FTO: variants seen among roughly 807,000 people sequenced by gnomAD.
FTO encodes FTO alpha-ketoglutarate dependent dioxygenase.
A neutral mutation model predicts 63.9 loss-of-function variants in FTO; 47 were observed. That is an observed-to-expected ratio of 0.74 (90% CI 0.58 to 0.94). The LOEUF (loss-of-function observed/expected upper bound fraction) is 0.94. Ranked by LOEUF, FTO falls within the 40% of genes least tolerant of loss-of-function variation. The pLI is 0.00. For missense variants in FTO, 562 were observed against 618.1 expected, an observed-to-expected ratio of 0.91 and a Z score of 0.96; for synonymous variants, 207 against 224.4, an observed-to-expected ratio of 0.92 and a Z score of 0.69.
intron 1 of FTO, among the ~76,000 whole-genome samples, chr16:53,789,836 A>G (rs1252859730): frequency 6.7e-6 from 1 of 148,898 alleles, no homozygotes; most frequent in East Asian, 2.0e-4. Flanking sequence ...ATATGTATGT[A>G]TATTCCAGAC....
chr16:53,710,231 T>C (rs2151462686), intron 1 of FTO, among the ~76,000 whole-genome samples: 1 of 151,436 alleles, frequency 6.6e-6, no homozygotes, highest in African/African-American at 2.4e-5. Context: ...TTCTTATTTG[T>C]CTTATGTTTC....
intron 7 of FTO, among the ~76,000 whole-genome samples, chr16:53,922,503 G>C (rs778639086): frequency 6.0e-4 from 92 of 152,136 alleles, no homozygotes; most frequent in Non-Finnish European, 1.2e-3. Flanking sequence ...TTTTTTAACA[G>C]AAAATGCCAA....
chr16:53,996,831 G>A (rs994247264), intron 8 of FTO, among the ~76,000 whole-genome samples: 13 of 152,112 alleles, frequency 8.5e-5, no homozygotes, highest in East Asian at 1.9e-4. Context: ...ATCTCAGGCC[G>A]GGCACGGGGG....
chr16:53,832,584 T>C lies in FTO; in HGVS notation c.751+6093T>C, dbSNP rs889850793. The stretch of plus-strand genomic sequence containing the variant: ...GATTTGTTTTCTGTCACTAGATGAG[T>C]TGGCATTTTCTAGAATTTTAACCAG... On this transcript the variant is annotated intron_variant, in intron 3 of 8. Coordinates refer to ENST00000471389, the MANE Select transcript of FTO (RefSeq NM_001080432.3). Among the ~76,000 whole-genome samples the C allele has an allele frequency of 2.0e-5, 3 of 152,136 alleles. No homozygotes were observed. The East Asian group carries it at 5.8e-4, about 29-fold the overall frequency.
intron 4 of FTO, among the ~76,000 whole-genome samples, chr16:53,846,674 T>G (rs2079629627): frequency 6.6e-6 from 1 of 151,810 alleles, no homozygotes; most frequent in Non-Finnish European, 1.5e-5. Context: ...TGGTGGCACG[T>G]GCCTGTAATC....
intron 8 of FTO, among the ~76,000 whole-genome samples, chr16:54,002,784 A>T (rs1186405810): frequency 6.6e-6 from 1 of 152,232 alleles, no homozygotes; most frequent in Non-Finnish European, 1.5e-5. Context: ...GATAGAGAAA[A>T]ATTGGAGCCC....
chr16:53,864,763 G>A (rs1023135875), intron 4 of FTO, among the ~76,000 whole-genome samples: 1 of 152,100 alleles, frequency 6.6e-6, no homozygotes, highest in Non-Finnish European at 1.5e-5. Context: ...AGCTGGGAGG[G>A]TCTTAAGTAT....
At chr16:53,870,341 G>A (rs1446682053) in intron 4 of FTO, among the ~76,000 whole-genome samples, 1 of 152,042 alleles carries the variant, frequency 6.6e-6, no homozygotes, top group Non-Finnish European at 1.5e-5. Context: ...ACTCACAAAA[G>A]TGTGGGAGTT....
At chr16:54,029,959 G>C (rs2144206094) in intron 8 of FTO, among the ~76,000 whole-genome samples, 1 of 152,318 alleles carries the variant, frequency 6.6e-6, no homozygotes, top group East Asian at 1.9e-4. Flanking sequence ...ATGCAGTAAA[G>C]TAAGCTTCGT....
chr16:53,843,467 T>G (rs142223526), intron 3 of FTO, among the ~76,000 whole-genome samples: 235 of 152,344 alleles, frequency 1.5e-3, no homozygotes, highest in African/African-American at 5.4e-3. Flanking sequence ...GAACATATTT[T>G]TATATGTTTA....
chr16:53,848,186 ACTT>A lies in FTO; in HGVS notation c.895+3889_895+3891del, dbSNP rs1267370244. Among the ~76,000 whole-genome samples, 170 of 152,278 alleles carry A rather than the reference ACTT, an allele frequency of 1.1e-3. 1 individual carries two copies. The highest frequency in any genetic ancestry group is 3.9e-3 in the African/African-American group (160 of 41,556). On this transcript the variant is annotated intron_variant, in intron 4 of 8. Coordinates refer to ENST00000471389, the MANE Select transcript of FTO (RefSeq NM_001080432.3). ...TGGTCTAATGCTGCCTTTTCTCTTT[ACTT>A]TTAAATCCAAATAGCACAAGGAGCC...
intron 8 of FTO, among the ~76,000 whole-genome samples, chr16:53,976,658 A>G (rs1434129001): frequency 2.0e-5 from 3 of 152,186 alleles, no homozygotes; most frequent in Non-Finnish European, 4.4e-5. Flanking sequence ...ATTTATAGGT[A>G]TATATGTTGG....
Position 54,107,567 on chromosome 16 carries a change from G to A in FTO, c.1365-4195G>A, listed in dbSNP as rs1323997035. ...CCCAGGTATTCTCTGCACACACTAC[G>A]CTGTATCAACCACAACATCTCAGTT... On this transcript the variant is annotated intron_variant, in intron 8 of 8. Coordinates refer to ENST00000471389, the MANE Select transcript of FTO (RefSeq NM_001080432.3). Among the ~76,000 whole-genome samples the A allele has an allele frequency of 6.6e-5, 10 of 152,150 alleles. No individual in the cohort carries two copies. The East Asian group carries it at 1.9e-3, about 29-fold the overall frequency.
chr16:54,078,695 AAAC>A lies in FTO; in HGVS notation c.1365-33062_1365-33060del, dbSNP rs370902233. Among the ~76,000 whole-genome samples the A allele has an allele frequency of 2.2e-4, 33 of 152,268 alleles. No homozygotes were observed. In the East Asian group the frequency reaches 6.0e-3, roughly 28 times the overall value. Reference sequence around the variant, plus strand: ...AAAATCAATAGTGATTAAGATGAAGAAACAACATTTGGGGTATTTCAGCTCTTT... The same window carrying A: ...AAAATCAATAGTGATTAAGATGAAGAAACATTTGGGGTATTTCAGCTCTTT... On this transcript the variant is annotated intron_variant, in intron 8 of 8. Coordinates refer to ENST00000471389, the MANE Select transcript of FTO (RefSeq NM_001080432.3).
In FTO at chr16:53,853,156, C is replaced by T. The variant is rs546343352; in HGVS notation, c.895+8858C>T. Reference sequence around the variant, plus strand: ...AAAAATACAAAAATTAGCCAGGTGTCGTGGCAGGCACCCGTAGTCCTAGTG... The same window carrying T: ...AAAAATACAAAAATTAGCCAGGTGTTGTGGCAGGCACCCGTAGTCCTAGTG... On this transcript the variant is annotated intron_variant, in intron 4 of 8. Transcript: ENST00000471389. Among the ~76,000 whole-genome samples, 281 of 152,148 alleles carry T rather than the reference C, an allele frequency of 1.8e-3. 1 individual carries two copies. Among genetic ancestry groups the T allele is most frequent in the African/African-American group, 6.4e-3 (265 of 41,518 alleles).
At chr16:54,100,008 A>C (rs1205300276) in intron 8 of FTO, among the ~76,000 whole-genome samples, 1 of 152,138 alleles carries the variant, frequency 6.6e-6, no homozygotes, top group Non-Finnish European at 1.5e-5. Flanking sequence ...GCAGGTTAAC[A>C]CAGTGCAGTG....
chr16:53,777,863 C>T (rs773527592), intron 1 of FTO, among the ~76,000 whole-genome samples: 11 of 152,180 alleles, frequency 7.2e-5, no homozygotes, highest in Admixed American at 1.3e-4. Flanking sequence ...TACTCAAGTC[C>T]GATTAACCAG....
intron 8 of FTO, among the ~76,000 whole-genome samples, chr16:53,989,270 A>C (rs2083745496): frequency 6.6e-6 from 1 of 152,188 alleles, no homozygotes; most frequent in African/African-American, 2.4e-5. Flanking sequence ...GGAGGAAAGA[A>C]AACACAAAAT....
At chr16:53,739,349 G>A (rs1262379892) in intron 1 of FTO, among the ~76,000 whole-genome samples, 3 of 150,718 alleles carry the variant, frequency 2.0e-5, no homozygotes, top group East Asian at 3.9e-4. Flanking sequence ...GGGACTATAG[G>A]CGCCCGCCAC....
Sources: allele counts gnomAD v4.1 joint callset (sites outside exome capture counted in the v4.1 genomes callset), GRCh38; gene constraint gnomAD v4.1.1; transcripts MANE v1.5; gene names NCBI Gene and HGNC (gene_info 2026-07-23, HGNC 2026-07-21).